Variants in RELN observed in about 807,000 individuals in gnomAD.
The protein encoded by RELN is reelin.
A neutral mutation model predicts 427.6 loss-of-function variants in RELN; 108 were observed. The observed-to-expected ratio is 0.25, with a 90% CI of 0.22 to 0.30. The LOEUF is 0.30. Ranked by LOEUF, RELN falls within the 10% of genes least tolerant of loss-of-function variation. The pLI, the probability that RELN is intolerant of heterozygous loss-of-function variation, is 1.00. For missense variants in RELN, 3,715 were observed against 4,302.8 expected, an observed-to-expected ratio of 0.86 and a Z score of 3.82; for synonymous variants, 1,524 against 1,513.4, an observed-to-expected ratio of 1.01 and a Z score of -0.16.
chr7:103,868,203 G>A (rs1794246106), intron 2 of RELN, among the ~76,000 whole-genome samples: 1 of 151,966 alleles, frequency 6.6e-6, no homozygotes, highest in Non-Finnish European at 1.5e-5. Flanking sequence ...CACTAAAATA[G>A]GATATTGGGA....
intron 3 of RELN, among the ~76,000 whole-genome samples, chr7:103,804,501 C>A (rs578102247): frequency 1.3e-5 from 2 of 151,778 alleles, no homozygotes; most frequent in Non-Finnish European, 2.9e-5. Flanking sequence ...AGCGACAATG[C>A]ATATATTAGC....
At chr7:103,732,935 C>T (rs956128402) in intron 6 of RELN, among the ~76,000 whole-genome samples, 3 of 152,058 alleles carry the variant, frequency 2.0e-5, no homozygotes, top group African/African-American at 7.2e-5. Context: ...TCCCATTTGT[C>T]AATTTTGTCT....
intron 10 of RELN, among the ~76,000 whole-genome samples, chr7:103,696,325 G>A (rs951497513): frequency 2.0e-5 from 3 of 152,000 alleles, no homozygotes; most frequent in Non-Finnish European, 4.4e-5. Context: ...GCACTCTCCG[G>A]GCAGGCAAGC....
intron 1 of RELN, among the ~76,000 whole-genome samples, chr7:103,962,102 C>T (rs1223361515): frequency 2.0e-5 from 3 of 152,044 alleles, no homozygotes; most frequent in African/African-American, 4.8e-5. Flanking sequence ...TTTATTAAAT[C>T]TCTAGTACTG....
At chr7:103,973,321 A>G (rs894799411) in intron 1 of RELN, among the ~76,000 whole-genome samples, 2 of 152,258 alleles carry the variant, frequency 1.3e-5, no homozygotes, top group Non-Finnish European at 2.9e-5. Context: ...CAAGTGAGAT[A>G]AGCCCACTAA....
intron 1 of RELN, among the ~76,000 whole-genome samples, chr7:103,972,849 GAGAT>G (rs968401218): frequency 2.6e-5 from 4 of 151,858 alleles, no homozygotes; most frequent in Non-Finnish European, 5.9e-5. Context: ...CTTTCATAAA[GAGAT>G]AGATGCTTCA....
chr7:103,917,814 C>T lies in RELN; in HGVS notation c.227-629G>A, dbSNP rs149398149. Among the ~76,000 whole-genome samples the T allele has an allele frequency of 9.6e-3, 1,454 of 152,154 alleles. 6 individuals carry two copies. Among genetic ancestry groups the T allele is most frequent in the Middle Eastern group, 0.031 (9 of 294 alleles). ...TGGTTTTATAACCATAAAATCAGGA[C>T]GTTGCTGGGAAGAAAAGGGTAAAAT... is the stretch of plus-strand genomic sequence containing the variant. On this transcript the variant is annotated intron_variant, in intron 1 of 64. Coordinates refer to ENST00000428762, the MANE Select transcript of RELN (RefSeq NM_005045.4).
chr7:103,625,774 G>C (rs767936237), intron 20 of RELN, among the ~76,000 whole-genome samples: 7 of 150,328 alleles, frequency 4.7e-5, no homozygotes, highest in Non-Finnish European at 7.5e-5. Context: ...AAATTTCCTT[G>C]AATATGTGGC....
At chr7:103,475,566 TAAAA>T (rs1186400358) in intron 64 of RELN, among the ~76,000 whole-genome samples, 13 of 152,176 alleles carry the variant, frequency 8.5e-5, no homozygotes, top group Admixed American at 3.3e-4. Context: ...ATATTTTACA[TAAAA>T]AAAGATGAAG....
chr7:103,705,231 A>G (rs1039476427), intron 8 of RELN, among the ~76,000 whole-genome samples: 29 of 152,232 alleles, frequency 1.9e-4, no homozygotes, highest in African/African-American at 2.4e-5. Flanking sequence ...TACTTCATTC[A>G]TAACTCCTAA....
At chr7:103,893,723 C>A (rs547567416) in intron 2 of RELN, among the ~76,000 whole-genome samples, 5 of 152,146 alleles carry the variant, frequency 3.3e-5, no homozygotes, top group African/African-American at 1.2e-4. Flanking sequence ...CAAAGACATG[C>A]AAGTACACCC....
chr7:103,565,266 G>A lies in RELN; in HGVS notation c.5210+12C>T. On this transcript the variant is annotated intron_variant, in intron 34 of 64. Transcript: ENST00000428762. ...CCAAAGTTCTGACATGTAGCCAAAT[G>A]ACAATTCTCACATGGTGGAGAGTGG... 1 of 1,613,984 alleles carries A rather than the reference G, an allele frequency of 6.2e-7. No homozygotes were observed. Among genetic ancestry groups the A allele is most frequent in the Non-Finnish European group, 8.5e-7 (1 of 1,179,902 alleles).
chr7:103,801,493 C>T (rs993857051), intron 3 of RELN, among the ~76,000 whole-genome samples: 5 of 151,692 alleles, frequency 3.3e-5, no homozygotes, highest in Admixed American at 3.3e-4. Flanking sequence ...GAAAACTAAA[C>T]ACTGCATGTT....
rs1471224891 is a variant in RELN at position 103,650,402 on chromosome 7, A to C, written c.1893-19T>G. 7.2e-7 allele frequency: 1 copy of C among 1,385,640 alleles called. No individual in the cohort carries two copies. Among genetic ancestry groups the C allele is most frequent in the South Asian group, 1.2e-5 (1 of 86,324 alleles). The allele number at this position is 1,385,640 out of a possible 1,614,324, so 85.8% of individuals were successfully genotyped here. On this transcript the variant is annotated intron_variant, in intron 15 of 64. Coordinates refer to ENST00000428762, the MANE Select transcript of RELN (RefSeq NM_005045.4). Reference sequence around the variant, plus strand: ...GTTCCACCTGCAAGAAATTTAGCACAAAACCATCTTCACAACTATGTTCAT... The same window carrying C: ...GTTCCACCTGCAAGAAATTTAGCACCAAACCATCTTCACAACTATGTTCAT...
intron 15 of RELN, among the ~76,000 whole-genome samples, chr7:103,650,594 T>C (rs977553972): frequency 1.3e-5 from 2 of 152,076 alleles, no homozygotes; most frequent in Admixed American, 1.3e-4. Context: ...GAGCAATGGA[T>C]TTGTTATTTT....
At chr7:103,576,029 G>A (rs1035467513) in intron 28 of RELN, among the ~76,000 whole-genome samples, 6 of 152,198 alleles carry the variant, frequency 3.9e-5, no homozygotes, top group Admixed American at 1.3e-4. Flanking sequence ...TCAGGAGATT[G>A]AGACCATCCT....
chr7:103,612,219 G>A (rs1381482759), intron 20 of RELN, among the ~76,000 whole-genome samples: 1 of 151,990 alleles, frequency 6.6e-6, no homozygotes, highest in African/African-American at 2.4e-5. Flanking sequence ...GAAGGCTTAA[G>A]TAAAATGATA....
chr7:103,703,155 C>T (rs1834128544), intron 8 of RELN, among the ~76,000 whole-genome samples: 1 of 152,084 alleles, frequency 6.6e-6, no homozygotes, highest in African/African-American at 2.4e-5. Context: ...TGGAAGGTAC[C>T]AGCTGGAAGG....
At chr7:103,861,945 TA>T (rs1794080086) in intron 2 of RELN, among the ~76,000 whole-genome samples, 1 of 152,052 alleles carries the variant, frequency 6.6e-6, no homozygotes, top group Non-Finnish European at 1.5e-5. Context: ...GTTTGTAAGC[TA>T]AAAAGAAGCA....
Sources: gnomAD v4.1 joint callset for allele counts (sites outside exome capture counted in the v4.1 genomes callset) on GRCh38, gnomAD v4.1.1 for gene constraint, MANE v1.5 for transcripts, NCBI Gene and HGNC (gene_info 2026-07-23, HGNC 2026-07-21) for gene names.